The following MAMDC2 variants were observed in gnomAD, a reference collection of about 807,000 sequenced individuals.
MAMDC2 encodes the protein MAM domain containing 2, also known as MAM domain-containing protein 2.
Under a neutral mutation model 89.8 loss-of-function variants are expected in MAMDC2, and 57 were observed. The observed-to-expected ratio is 0.63, with a 90% confidence interval of 0.51 to 0.79. The LOEUF (loss-of-function observed/expected upper bound fraction) is 0.79. Among genes scored for constraint, MAMDC2 ranks in the 30% least tolerant of loss-of-function variants. The pLI, the probability that MAMDC2 is intolerant of heterozygous loss-of-function variation, is 0.00. For missense variants in MAMDC2, 800 were observed against 820.6 expected, an observed-to-expected ratio of 0.97 and a Z score of 0.31; for synonymous variants, 313 against 293.4, an observed-to-expected ratio of 1.07 and a Z score of -0.68.
chr9:70,218,241 G>A (rs1729453517), intron 11 of MAMDC2, 96 bp from the exon 12 acceptor site: 2 of 1,350,192 alleles, frequency 1.5e-6, no homozygotes, highest in Non-Finnish European at 1.0e-6. Flanking sequence ...CTTTTAGTCA[G>A]ATCATCTTGA....
chr9:70,104,605 C>T (rs1173686165), intron 2 of MAMDC2, among the ~76,000 whole-genome samples: 1 of 151,926 alleles, frequency 6.6e-6, no homozygotes, highest in African/African-American at 2.4e-5. Flanking sequence ...GAATATTAGC[C>T]CCCAAAAAGA....
Position 70,170,577 on chromosome 9 carries a change from G to C in MAMDC2, c.1597G>C (p.Gly533Arg). The change falls in exon 11 of 14, where the codon GGA (glycine) becomes CGA (arginine). Residue 533 changes from glycine (G) to arginine (R), a missense_variant. Gly to Arg is a moderately radical substitution (Grantham distance 125). Coordinates refer to ENST00000377182, the MANE Select transcript of MAMDC2 (RefSeq NM_153267.5). ...CCGGAGCAGCTGGCACAGGAGGAGG[G>C]GAGAAACTCCCACTTCCTACACAGG... ...RNRSSWHRRR[G>R]ETPTSYTGPK... 6.2e-7 allele frequency: 1 copy of C among 1,612,652 alleles called. No homozygotes were observed. The highest frequency in any genetic ancestry group is 1.1e-5 in the South Asian group (1 of 90,872).
Position 70,140,162 on chromosome 9 carries a change from G to A in MAMDC2, c.1012G>A (p.Val338Met), listed in dbSNP as rs200527108. ...TTGCTCAGAACTTCTGTTCAGTGCC[G>A]TGGAAGCCAGCTGCAATTTTGAGCA... ...QNQTELLFSA[V>M]EASCNFEQDL... The change falls in exon 8 of 14, where the codon GTG (valine) becomes ATG (methionine). Residue 338 changes from valine (V) to methionine (M), a missense_variant. By Grantham distance (21) the Val-to-Met change is conservative. Transcript: ENST00000377182. 1.4e-4 allele frequency: 221 copies of A among 1,590,738 alleles called. 1 individual carries two copies. The highest frequency in any genetic ancestry group is 1.7e-4 in the Middle Eastern group (1 of 6,012).
At chr9:70,131,279 G>A (rs1055610606) in intron 6 of MAMDC2, among the ~76,000 whole-genome samples, 1 of 152,142 alleles carries the variant, frequency 6.6e-6, no homozygotes, top group Non-Finnish European at 1.5e-5. Context: ...GTCAACGTAT[G>A]ACTTTTGAGA....
chr9:70,113,890 TA>T (rs1299205005), intron 5 of MAMDC2: 1 of 152,232 alleles, frequency 6.6e-6, no homozygotes, highest in Non-Finnish European at 1.5e-5. Context: ...CAGGAATTTT[TA>T]TTCTGTTGCA....
At chr9:70,189,434 C>T (rs1391282595) in intron 11 of MAMDC2, among the ~76,000 whole-genome samples, 2 of 152,074 alleles carry the variant, frequency 1.3e-5, no homozygotes, top group Non-Finnish European at 2.9e-5. Context: ...TAATGAGTCA[C>T]TTTTCTCTTG....
chr9:70,154,527 A>ATTTTT lies in MAMDC2; in HGVS notation c.1404+10723_1404+10727dup, dbSNP rs10710715. Among the ~76,000 whole-genome samples the ATTTTT allele has an allele frequency of 2.2e-5, 3 of 135,850 alleles. 1 individual carries two copies. The highest frequency in any genetic ancestry group is 1.5e-4 in the Admixed American group (2 of 13,264). The allele number at this position is 135,850 out of a possible 152,430, so 89.1% of individuals were successfully genotyped here. A position where few individuals can be genotyped will look rare whatever the true frequency, so the allele number is the denominator to read the frequency against. ...GGTATGCTGAGTCCGATTTGGAACA[A>ATTTTT]TTTTTTTTTTTTTTTTTTTGAGACA... On this transcript the variant is annotated intron_variant, in intron 9 of 13. Coordinates refer to ENST00000377182, the MANE Select transcript of MAMDC2 (RefSeq NM_153267.5).
intron 9 of MAMDC2, among the ~76,000 whole-genome samples, chr9:70,145,593 T>TACAC (rs3071384): frequency 0.92 from 139,007 of 151,868 alleles, 63,772 homozygotes; most frequent in East Asian, 1. Flanking sequence ...TGCACACACA[T>TACAC]ACAAGCAAAT....
At chr9:70,220,789 T>G (rs1413338105) in intron 12 of MAMDC2, among the ~76,000 whole-genome samples, 1 of 152,228 alleles carries the variant, frequency 6.6e-6, no homozygotes, top group African/African-American at 2.4e-5. Context: ...AAGCACTGCA[T>G]GATTTTGGAG....
chr9:70,062,426 C>G (rs1006296408), intron 2 of MAMDC2: 33 of 152,110 alleles, frequency 2.2e-4, no homozygotes, highest in Non-Finnish European at 2.9e-5. Flanking sequence ...TAGGTTTGAG[C>G]ATACTAAATC....
At chr9:70,172,865 T>C (rs1205863332) in intron 11 of MAMDC2, 1 of 152,930 alleles carries the variant, frequency 6.5e-6, no homozygotes, top group African/African-American at 2.4e-5. Context: ...TGTGAAGCTA[T>C]CTCTGGAAAG....
rs2032518251 is a variant in MAMDC2, at chr9:70,176,868, T to C, written c.1651+6237T>C. On this transcript the variant is annotated intron_variant, in intron 11 of 13. Transcript: ENST00000377182. ...ATATAATATCAGTGATTATTTACAG[T>C]AGTTCCCCCTTATCTGCAGGGCATA... 2.6e-5 allele frequency among the ~76,000 whole-genome samples: 4 copies of C among 152,208 alleles called. No individual in the cohort carries two copies. The South Asian group carries it at 8.3e-4, about 31-fold the overall frequency.
chr9:70,175,102 T>C (rs1029229434), intron 11 of MAMDC2, among the ~76,000 whole-genome samples: 2 of 152,228 alleles, frequency 1.3e-5, no homozygotes, highest in Non-Finnish European at 2.9e-5. Flanking sequence ...CGATCTGATC[T>C]AATTTTATAA....
intron 2 of MAMDC2, chr9:70,081,461 T>G (rs551920196): frequency 1.3e-5 from 2 of 152,162 alleles, no homozygotes; most frequent in Admixed American, 1.3e-4. Flanking sequence ...ATTTTTATAG[T>G]CCTGCCAGGT....
intron 12 of MAMDC2, among the ~76,000 whole-genome samples, chr9:70,224,057 C>A (rs1475312118): frequency 6.6e-6 from 1 of 152,068 alleles, no homozygotes; most frequent in African/African-American, 2.4e-5. Context: ...GCCAAAAAAA[C>A]AGATTTTATT....
In MAMDC2 at chr9:70,044,231, G is replaced by T; in HGVS notation, c.34G>T (p.Ala12Ser). 6.2e-7 allele frequency: 1 copy of T among 1,612,882 alleles called. No homozygotes were observed. The change falls in exon 1 of 14, where the codon GCC becomes TCC. Residue 12 changes from alanine to serine, a missense_variant and splice_region_variant. By Grantham distance (99) the Ala-to-Ser change is moderately conservative. Transcript: ENST00000377182. ...LLRGVLLALQ[A>S]LQLAGALDLP... is the part of the protein sequence containing the mutation. ...AAGGGGCGTCCTCCTGGCGTTGCAA[G>T]GTAAGGCCTGGACCCCGGGACAACC...
chr9:70,175,011 C>A (rs1322689100), intron 11 of MAMDC2, among the ~76,000 whole-genome samples: 1 of 152,150 alleles, frequency 6.6e-6, no homozygotes, highest in Non-Finnish European at 1.5e-5. Flanking sequence ...TAGGCATGAG[C>A]CACTGTGCCC....
intron 9 of MAMDC2, among the ~76,000 whole-genome samples, chr9:70,155,409 C>G (rs2031724457): frequency 6.6e-6 from 1 of 152,184 alleles, no homozygotes; most frequent in African/African-American, 2.4e-5. Flanking sequence ...CCTGATCAAT[C>G]TGACAAAGAA....
At chr9:70,171,642 T>C (rs780786427) in intron 11 of MAMDC2, among the ~76,000 whole-genome samples, 9 of 152,158 alleles carry the variant, frequency 5.9e-5, no homozygotes, top group Non-Finnish European at 8.8e-5. Context: ...ACTAAGCTCA[T>C]AGAGATATTT....
Sources: gnomAD v4.1 joint callset for allele counts (sites outside exome capture counted in the v4.1 genomes callset) on GRCh38, gnomAD v4.1.1 for gene constraint, MANE v1.5 for transcripts, NCBI Gene and HGNC (gene_info 2026-07-23, HGNC 2026-07-21) for gene names.